Variants in ROBO2 observed in about 807,000 individuals in gnomAD.
The protein encoded by ROBO2 is roundabout homolog 2.
A neutral mutation model predicts 160.8 loss-of-function variants in ROBO2; 53 were observed. The observed-to-expected ratio is 0.33, with a 90% CI of 0.26 to 0.41. The LOEUF (loss-of-function observed/expected upper bound fraction) is 0.41. ROBO2 is among the 10% of genes least tolerant of loss of function. ROBO2 has a pLI of 1.00. For synonymous variants in ROBO2, 664 were observed against 611.7 expected (o/e 1.09, Z -1.26); for missense variants, 1,577 against 1,722.4 (o/e 0.92, Z 1.49).
chr3:76,617,141 C>G lies in ROBO2; in HGVS notation c.110-480873C>G, dbSNP rs980084693. Among the ~76,000 whole-genome samples the G allele has an allele frequency of 3.3e-5, 5 of 151,952 alleles. 1 individual carries two copies. Among genetic ancestry groups the G allele is most frequent in the Admixed American group, 2.6e-4 (4 of 15,254 alleles). On this transcript the variant is annotated intron_variant, in intron 2 of 26. Coordinates refer to the ROBO2 transcript ENST00000487694. ...GAACTAACTAGCGTGGTCCAAAGCC[C>G]CAGGTATGAAAAGATACTCTTATCA... is the stretch of plus-strand genomic sequence containing the variant.
chr3:77,155,382 G>A (rs532838853), intron 2 of ROBO2, among the ~76,000 whole-genome samples: 1 of 152,102 alleles, frequency 6.6e-6, no homozygotes, highest in South Asian at 2.1e-4. Flanking sequence ...TAAGGGATCA[G>A]AGTCATCTGA....
rs980906741 is a variant in ROBO2, at chr3:77,479,883, T to C, written c.547-1216T>C. 2.6e-5 allele frequency among the ~76,000 whole-genome samples: 4 copies of C among 152,172 alleles called. No homozygotes were observed. The East Asian group carries it at 7.7e-4, about 29-fold the overall frequency. On this transcript the variant is annotated intron_variant, in intron 3 of 25. Transcript: ENST00000461745. ...AGCAGGCTAGTTCAGTCGGTTCCCA[T>C]GTTGGTCTCAGTTCCAACTCAGCAA...
At chr3:76,437,042 T>C (rs1389516530) in intron 2 of ROBO2, among the ~76,000 whole-genome samples, 1 of 152,222 alleles carries the variant, frequency 6.6e-6, no homozygotes, top group African/African-American at 2.4e-5. Context: ...AGCTCAAAAC[T>C]GAATTTGTGT....
chr3:77,332,184 TTA>T (rs2066039910), intron 2 of ROBO2, among the ~76,000 whole-genome samples: 1 of 152,222 alleles, frequency 6.6e-6, no homozygotes, highest in African/African-American at 2.4e-5. Flanking sequence ...TAATGTATTT[TTA>T]TGTCTATTGC....
At chr3:76,924,446 G>A (rs1020501527) in intron 2 of ROBO2, among the ~76,000 whole-genome samples, 11 of 152,196 alleles carry the variant, frequency 7.2e-5, no homozygotes, top group African/African-American at 2.7e-4. Context: ...GCCCTCCACA[G>A]ACAAGGAATC....
intron 3 of ROBO2, 38 bp downstream of exon 3, chr3:77,477,609 T>G: frequency 1.1e-5 from 13 of 1,234,618 alleles, no homozygotes; most frequent in Non-Finnish European, 1.6e-5. Context: ...AGAGATTGAA[T>G]TTTCAGTCTC....
At chr3:77,455,629 A>G (rs1023426734) in intron 2 of ROBO2, among the ~76,000 whole-genome samples, 1 of 151,788 alleles carries the variant, frequency 6.6e-6, no homozygotes, top group Non-Finnish European at 1.5e-5. Flanking sequence ...ATGGGGTTTC[A>G]CCATGTTGGC....
chr3:76,082,506 T>C (rs1163293692), intron 2 of ROBO2, among the ~76,000 whole-genome samples: 2 of 152,060 alleles, frequency 1.3e-5, no homozygotes, highest in African/African-American at 4.8e-5. Flanking sequence ...CTTATCTGTA[T>C]ACAAAATAAC....
intron 21 of ROBO2, among the ~76,000 whole-genome samples, chr3:77,609,486 A>G (rs1026344112): frequency 2.6e-5 from 4 of 152,056 alleles, no homozygotes; most frequent in Non-Finnish European, 5.9e-5. Context: ...TTAAAGCTTT[A>G]TATGCATAAA....
At chr3:76,940,330 AG>A (rs1458801083) in intron 2 of ROBO2, among the ~76,000 whole-genome samples, 1 of 152,148 alleles carries the variant, frequency 6.6e-6, no homozygotes, top group African/African-American at 2.4e-5. Context: ...TAGACTTTTA[AG>A]TGTTTGTGAT....
At chr3:76,128,758 G>C (rs2071104736) in intron 2 of ROBO2, among the ~76,000 whole-genome samples, 1 of 151,972 alleles carries the variant, frequency 6.6e-6, no homozygotes, top group Non-Finnish European at 1.5e-5. Flanking sequence ...AATATAAACT[G>C]CTGCTTTTTT....
At chr3:76,363,851 C>T (rs1008296134) in intron 2 of ROBO2, among the ~76,000 whole-genome samples, 2 of 151,636 alleles carry the variant, frequency 1.3e-5, no homozygotes, top group Non-Finnish European at 1.5e-5. Flanking sequence ...TTATCCAACA[C>T]TCTCTTTAAA....
chr3:76,812,971 C>G (rs2065335937), intron 2 of ROBO2, among the ~76,000 whole-genome samples: 1 of 126,904 alleles, frequency 7.9e-6, no homozygotes, highest in Admixed American at 9.1e-5. Context: ...CAAAAAGACA[C>G]TTGCTTAGGA....
chr3:76,555,890 G>A (rs2083759339), intron 2 of ROBO2, among the ~76,000 whole-genome samples: 1 of 151,998 alleles, frequency 6.6e-6, no homozygotes, highest in South Asian at 2.1e-4. Flanking sequence ...AGACCAGCCT[G>A]GCCAACATGG....
chr3:77,547,447 T>A (rs2092740835), intron 7 of ROBO2, among the ~76,000 whole-genome samples: 1 of 152,066 alleles, frequency 6.6e-6, no homozygotes. Flanking sequence ...TTATTAAACA[T>A]CTCTGGAAAT....
intron 2 of ROBO2, among the ~76,000 whole-genome samples, chr3:77,111,016 A>G (rs1035601094): frequency 1.3e-5 from 2 of 152,214 alleles, no homozygotes; most frequent in Non-Finnish European, 2.9e-5. Context: ...ATGTTTAAAA[A>G]ATAACGAAGG....
intron 2 of ROBO2, among the ~76,000 whole-genome samples, chr3:77,225,067 G>C (rs544722105): frequency 6.6e-6 from 1 of 151,848 alleles, no homozygotes; most frequent in African/African-American, 2.4e-5. Flanking sequence ...ATAATCATGA[G>C]CTAGATATAA....
rs189175672 is a variant in ROBO2, at chr3:77,357,421, C to T, written c.389-119993C>T. Among the ~76,000 whole-genome samples, 42 of 152,212 alleles carry T rather than the reference C, an allele frequency of 2.8e-4. 1 individual carries two copies. Among genetic ancestry groups the T allele is most frequent in the East Asian group, 2.3e-3 (12 of 5,170 alleles). On this transcript the variant is annotated intron_variant, in intron 2 of 25. Coordinates refer to ENST00000461745, the Ensembl canonical transcript of ROBO2. ...TCTCTCTCCCTGTCATGCCTTCCAC[C>T]GTGTTATGATGCAGCAAGAAGGTCC...
chr3:76,167,565 C>G (rs2072882891), intron 2 of ROBO2, among the ~76,000 whole-genome samples: 1 of 152,152 alleles, frequency 6.6e-6, no homozygotes, highest in Non-Finnish European at 1.5e-5. Context: ...TCTGCCCTTC[C>G]TCTAATTTGA....
Sources: gnomAD v4.1 joint callset for allele counts (sites outside exome capture counted in the v4.1 genomes callset) on GRCh38, gnomAD v4.1.1 for gene constraint, MANE v1.5 for transcripts, NCBI Gene and HGNC (gene_info 2026-07-23, HGNC 2026-07-21) for gene names.